Variants in RYR2 observed in about 807,000 individuals in gnomAD.
RYR2 encodes ryanodine receptor 2.
Under a neutral mutation model 601.1 loss-of-function variants are expected in RYR2, and 227 were observed. The ratio of observed to expected loss-of-function variants is 0.38; its 90% CI spans 0.34 to 0.42. The LOEUF is 0.42. Among genes scored for constraint, RYR2 ranks in the 10% least tolerant of loss-of-function variants. The pLI is 1.00. For missense variants in RYR2, 4,646 were observed against 6,156.5 expected (o/e 0.75, Z 8.21); for synonymous variants, 2,223 against 2,175.1 (o/e 1.02, Z -0.61).
At chr1:237,412,381 T>C (rs1349579376) in intron 10 of RYR2, among the ~76,000 whole-genome samples, 1 of 152,142 alleles carries the variant, frequency 6.6e-6, no homozygotes, top group African/African-American at 2.4e-5. Context: ...GATAATGTGT[T>C]ATGTAGGCAT....
At chr1:237,759,278 G>C (rs1033757891) in intron 82 of RYR2, among the ~76,000 whole-genome samples, 8 of 151,970 alleles carry the variant, frequency 5.3e-5, no homozygotes, top group African/African-American at 1.7e-4. Context: ...AGTAGAGACG[G>C]GGTTTCACTA....
Position 237,764,426 on chromosome 1 carries a change from T to C in RYR2, c.11476+3398T>C, listed in dbSNP as rs1415280863. Among the ~76,000 whole-genome samples, 4 of 102,528 alleles carry C rather than the reference T, an allele frequency of 3.9e-5. No individual in the cohort carries two copies. The East Asian group carries it at 9.3e-4, about 24-fold the overall frequency. 67.3% of individuals were successfully genotyped at this position (102,528 alleles called of 152,430 possible). ...CATTTTTTTTTTTTTTTTTTTTTTT[T>C]TTTGCCCCTTGACTTACTGTTTGTT... On this transcript the variant is annotated intron_variant, in intron 84 of 104. Transcript: ENST00000366574.
chr1:237,662,103 T>A (rs1418962189), intron 56 of RYR2, among the ~76,000 whole-genome samples: 2 of 152,120 alleles, frequency 1.3e-5, no homozygotes, highest in Admixed American at 6.5e-5. Flanking sequence ...CTTCACATGC[T>A]CCATATTTGA....
At chr1:237,294,287 G>A (rs1692528293) in intron 2 of RYR2, among the ~76,000 whole-genome samples, 1 of 152,048 alleles carries the variant, frequency 6.6e-6, no homozygotes, top group South Asian at 2.1e-4. Flanking sequence ...GAGACTGACT[G>A]TGCTTGGCAT....
intron 25 of RYR2, among the ~76,000 whole-genome samples, chr1:237,534,968 A>T (rs2779368): frequency 0.77 from 112,137 of 145,804 alleles, 42,733 homozygotes; most frequent in East Asian, 0.99. Context: ...ATCCCTTTTT[A>T]TTTTGTGAGA....
intron 1 of RYR2, among the ~76,000 whole-genome samples, chr1:237,192,581 A>G (rs1199107722): frequency 5.9e-5 from 9 of 152,242 alleles, no homozygotes; most frequent in African/African-American, 1.9e-4. Flanking sequence ...ATCTCACTTA[A>G]TAGAAACCAC....
rs969678988 is a variant in RYR2, at chr1:237,755,444, C to T, written c.11146-844C>T. ...TCCCATTGACTAAGCTTCTCTACCA[C>T]GCCATTTGATGGACTCACTGTCATA... On this transcript the variant is annotated intron_variant, in intron 80 of 104. Coordinates refer to ENST00000366574, the MANE Select transcript of RYR2 (RefSeq NM_001035.3). Among the ~76,000 whole-genome samples, 14 of 152,280 alleles carry T rather than the reference C, an allele frequency of 9.2e-5. No homozygotes were observed. In the East Asian group the frequency reaches 1.2e-3, roughly 13 times the overall value.
intron 1 of RYR2, among the ~76,000 whole-genome samples, chr1:237,143,518 A>T (rs995135718): frequency 6.6e-6 from 1 of 152,064 alleles, no homozygotes; most frequent in African/African-American, 2.4e-5. Context: ...AGCCTCCCAT[A>T]ACTGTCCAGT....
chr1:237,252,310 C>G (rs1295114181), intron 1 of RYR2, among the ~76,000 whole-genome samples: 2 of 152,090 alleles, frequency 1.3e-5, no homozygotes, highest in Non-Finnish European at 2.9e-5. Context: ...TACTGCAGAG[C>G]TTTTGTGTTG....
chr1:237,188,517 G>C (rs1679614259), intron 1 of RYR2, among the ~76,000 whole-genome samples: 1 of 152,128 alleles, frequency 6.6e-6, no homozygotes, highest in Non-Finnish European at 1.5e-5. Flanking sequence ...AAACCTCTGA[G>C]CTCAGTGCCT....
chr1:237,195,824 G>GTAT (rs1314303893), intron 1 of RYR2, among the ~76,000 whole-genome samples: 2 of 152,162 alleles, frequency 1.3e-5, no homozygotes, highest in Non-Finnish European at 2.9e-5. Context: ...GAGAATATAT[G>GTAT]TATAGGGCTT....
rs372222227 is a variant in RYR2 at position 237,617,363 on chromosome 1, T to G, written c.5793T>G (p.Asp1931Glu). 41 of 1,613,848 alleles carry G rather than the reference T, an allele frequency of 2.5e-5. 1 individual carries two copies. In the South Asian group the frequency reaches 4.4e-4, roughly 17 times the overall value. The part of the protein sequence containing the change: ...RIEAIVAFSD[D>E]FVAKLQDNQR... ...AAGCCATTGTAGCCTTTTCAGATGA[T>G]TTTGTGGCTAAGCTCCAAGACAATC... The change falls in exon 38 of 105, where the codon GAT (aspartate) becomes GAG (glutamate). Residue 1931 changes from aspartate to glutamate, a missense_variant. By Grantham distance (45) the Asp-to-Glu change is conservative. Transcript: ENST00000366574.
intron 28 of RYR2, 86 bp from the exon 29 acceptor site, chr1:237,569,059 C>G: frequency 8.5e-7 from 1 of 1,177,792 alleles, no homozygotes; most frequent in East Asian, 2.4e-5. Flanking sequence ...ATAGAAGGGA[C>G]TGCTGTTAGG....
intron 1 of RYR2, among the ~76,000 whole-genome samples, chr1:237,189,430 G>T (rs903541133): frequency 1.3e-5 from 2 of 152,152 alleles, no homozygotes; most frequent in African/African-American, 4.8e-5. Context: ...AGATACCCAT[G>T]TCGTGGATGG....
chr1:237,801,985 T>G (rs1410729121), intron 98 of RYR2, 69 bp downstream of exon 98: 2 of 893,212 alleles, frequency 2.2e-6, no homozygotes, highest in Non-Finnish European at 3.7e-6. Context: ...GTTCTGCAGA[T>G]GGAAGGCTGG....
intron 1 of RYR2, among the ~76,000 whole-genome samples, chr1:237,161,900 T>G (rs928176565): frequency 1.1e-4 from 17 of 152,300 alleles, no homozygotes; most frequent in African/African-American, 4.1e-4. Context: ...CCACCTGTTT[T>G]CTATAGCAAA....
At chr1:237,269,804 C>T (rs1315903193) in intron 1 of RYR2, among the ~76,000 whole-genome samples, 1 of 152,208 alleles carries the variant, frequency 6.6e-6, no homozygotes, top group Non-Finnish European at 1.5e-5. Flanking sequence ...TCCTGCAGCA[C>T]TCCCACTGCC....
chr1:237,657,310 G>T (rs1286102441), intron 53 of RYR2, among the ~76,000 whole-genome samples: 1 of 151,768 alleles, frequency 6.6e-6, no homozygotes, highest in Non-Finnish European at 1.5e-5. Context: ...ACTTTAATAA[G>T]ATATATTTAT....
intron 17 of RYR2, among the ~76,000 whole-genome samples, chr1:237,474,199 A>ATGTGTGTG (rs1196821377): frequency 9.3e-6 from 1 of 107,706 alleles, no homozygotes; most frequent in African/African-American, 2.7e-5. Context: ...ACGTGTGTAT[A>ATGTGTGTG]TATGTGTGTG....
Sources: allele counts gnomAD v4.1 joint callset (sites outside exome capture counted in the v4.1 genomes callset), GRCh38; gene constraint gnomAD v4.1.1; transcripts MANE v1.5; gene names NCBI Gene and HGNC (gene_info 2026-07-23, HGNC 2026-07-21).